The following E2F2 variants were observed in gnomAD, a reference collection of about 807,000 sequenced individuals.
E2F2 encodes E2F transcription factor 2.
Under a neutral mutation model 42.2 loss-of-function variants are expected in E2F2, and 22 were observed. The observed-to-expected ratio is 0.52, with a 90% CI of 0.37 to 0.74. The LOEUF is 0.74. Among genes scored for constraint, E2F2 ranks in the 30% least tolerant of loss-of-function variants. E2F2 has a pLI of 0.00. For missense variants in E2F2, 481 were observed against 557.8 expected, an observed-to-expected ratio of 0.86 and a Z score of 1.39; for synonymous variants, 248 against 251.6, an observed-to-expected ratio of 0.99 and a Z score of 0.13.
rs967178019 is a variant in E2F2, at chr1:23,530,392, T to C, written c.252+150A>G. 7 of 1,057,140 alleles carry C rather than the reference T, an allele frequency of 6.6e-6. No homozygotes were observed. The highest frequency in any genetic ancestry group is 5.2e-5 in the East Asian group (2 of 38,416). 65.5% of individuals were successfully genotyped at this position (1,057,140 alleles called of 1,614,324 possible). On this transcript the variant is annotated intron_variant, in intron 1 of 6. Coordinates refer to ENST00000361729, the MANE Select transcript of E2F2 (RefSeq NM_004091.4). The surrounding 1 kb of genome is among the most constrained non-coding windows in gnomAD (Gnocchi z 4.4). ...AATGAAGGGGTCTTCTACTCAGATA[T>C]TGGGGGCACTGGGTCCTGGAAACTG...
At chr1:23,513,459 C>G (rs563628969) in intron 6 of E2F2, among the ~76,000 whole-genome samples, 1 of 152,200 alleles carries the variant, frequency 6.6e-6, no homozygotes, top group South Asian at 2.1e-4. Flanking sequence ...AATGCAGAAC[C>G]AGGGCCAGGA....
At chr1:23,517,185 C>T (rs1643041774) in intron 5 of E2F2, among the ~76,000 whole-genome samples, 1 of 152,164 alleles carries the variant, frequency 6.6e-6, no homozygotes, top group African/African-American at 2.4e-5. Context: ...CCCATACCTC[C>T]CGCTGAAGCC....
chr1:23,530,863 C>G lies in E2F2; in HGVS notation c.-70G>C, dbSNP rs1189452437. ...GGACACCTGCGGGTTCCGGTGCTGC[C>G]GCCTTTCACACGGCCCGCGGCATGG... On this transcript the variant is annotated 5_prime_UTR_variant, in exon 1 of 7. Coordinates refer to ENST00000361729, the MANE Select transcript of E2F2 (RefSeq NM_004091.4). The surrounding 1 kb of genome is among the most constrained non-coding windows in gnomAD (Gnocchi z 4.4). 4 of 1,409,540 alleles carry G rather than the reference C, an allele frequency of 2.8e-6. No homozygotes were observed. Among genetic ancestry groups the G allele is most frequent in the South Asian group, 1.6e-5 (1 of 63,456 alleles). 87.3% of individuals were successfully genotyped at this position (1,409,540 alleles called of 1,614,324 possible). A position where few individuals can be genotyped will look rare whatever the true frequency, so the allele number is the denominator to read the frequency against.
At chr1:23,519,661 G>A (rs561540199) in intron 4 of E2F2, among the ~76,000 whole-genome samples, 2 of 152,298 alleles carry the variant, frequency 1.3e-5, no homozygotes, top group East Asian at 1.9e-4. Flanking sequence ...CGAACGCGGC[G>A]GCTCATGCCT....
chr1:23,524,355 C>A (rs200451472), intron 2 of E2F2, 28 bp downstream of exon 2: 5 of 1,524,758 alleles, frequency 3.3e-6, no homozygotes, highest in Non-Finnish European at 4.5e-6. Context: ...CCCCACCCCA[C>A]CCCAGAGGCC....
chr1:23,530,543 G>C lies in E2F2; in HGVS notation c.251C>G (p.Pro84Arg). The change falls in exon 1 of 7, where the codon CCG (proline) becomes CGG (arginine). Residue 84 changes from proline (P) to arginine (R), a missense_variant and splice_region_variant. Pro to Arg is a moderately radical substitution (Grantham distance 103). Transcript: ENST00000361729. The surrounding 1 kb of genome is among the most constrained non-coding windows in gnomAD (Gnocchi z 4.4). ...AGCGGTGGGGGCCCCCAGCATTACCGGCAGCCGGCCTGCCGGCAGGCATCG... is the reference window on the plus strand; with the variant it reads ...AGCGGTGGGGGCCCCCAGCATTACCCGCAGCCGGCCTGCCGGCAGGCATCG... The part of the protein sequence containing the change: ...VVRCLPAGRL[P>R]AKRKLDLEGI... 1 of 1,609,740 alleles carries C rather than the reference G, an allele frequency of 6.2e-7. No individual in the cohort carries two copies. The highest frequency in any genetic ancestry group is 8.5e-7 in the Non-Finnish European group (1 of 1,178,340).
intron 1 of E2F2, among the ~76,000 whole-genome samples, chr1:23,525,196 CCT>C (rs200312687): frequency 0.011 from 1,647 of 149,824 alleles, 23 homozygotes; most frequent in African/African-American, 0.037. Context: ...CCACCCCCCC[CCT>C]CCAGCTCCCC....
Position 23,510,081 on chromosome 1 carries a change from A to C in E2F2, c.1113T>G (p.Thr371=), listed in dbSNP as rs369246681. The C allele has an allele frequency of 6.7e-5, 107 of 1,607,988 alleles. 2 individuals are homozygous for C. The highest frequency in any genetic ancestry group is 3.1e-4 in the East Asian group (14 of 44,650). The change falls in exon 7 of 7, where the codon ACT becomes ACG. Residue 371 remains threonine, a synonymous_variant. Coordinates refer to ENST00000361729, the MANE Select transcript of E2F2 (RefSeq NM_004091.4). ...PPPSLVPLEA[T]DSLLELPHPL... ...GGTGCGGCAGCTCCAGCAGGCTGTC[A>C]GTAGCCTCCAAGGGGACCAGGGATG...
chr1:23,524,092 C>CA (rs1200088873), intron 2 of E2F2, among the ~76,000 whole-genome samples: 9 of 55,898 alleles, frequency 1.6e-4, no homozygotes, highest in East Asian at 1.2e-3. Flanking sequence ...ACAACAACAA[C>CA]AACAACAACA....
At chr1:23,518,497 A>T (rs79457556) in intron 5 of E2F2, among the ~76,000 whole-genome samples, 1 of 136,750 alleles carries the variant, frequency 7.3e-6, no homozygotes, top group Non-Finnish European at 1.6e-5. Flanking sequence ...ATAAATAAAT[A>T]AATCAAACAA....
At chr1:23,513,451 T>C (rs144460406) in intron 6 of E2F2, among the ~76,000 whole-genome samples, 147 of 152,232 alleles carry the variant, frequency 9.7e-4, no homozygotes, top group Middle Eastern at 3.4e-3. Context: ...CCCCTGGTAA[T>C]GCAGAACCAG....
chr1:23,516,298 T>TC, intron 6 of E2F2, 37 bp downstream of exon 6: 1 of 1,441,226 alleles, frequency 6.9e-7, no homozygotes, highest in Non-Finnish European at 9.1e-7. Flanking sequence ...GGCCGGTCTC[T>TC]CCCCCCACCT....
At chr1:23,517,100 G>A (rs1224427620) in intron 5 of E2F2, among the ~76,000 whole-genome samples, 1 of 152,144 alleles carries the variant, frequency 6.6e-6, no homozygotes, top group Non-Finnish European at 1.5e-5. Flanking sequence ...GTCATAGTTT[G>A]AGCATCTACA....
chr1:23,513,089 G>T (rs915832427), intron 6 of E2F2, among the ~76,000 whole-genome samples: 3 of 151,546 alleles, frequency 2.0e-5, no homozygotes, highest in South Asian at 2.1e-4. Context: ...CTGGATTACA[G>T]GTGTGTGCCA....
At chr1:23,510,171 T>C in intron 6 of E2F2, 23 bp from the exon 7 acceptor site, 1 of 1,560,160 alleles carries the variant, frequency 6.4e-7, no homozygotes, top group African/African-American at 1.4e-5. Flanking sequence ...AGACAAAGGT[T>C]ACGCCTGGCC....
At position 23,509,943 on chromosome 1, in the gene E2F2, C is replaced by T. The variant is rs759951612; in HGVS notation, c.1251G>A (p.Glu417=). ...AGAGATCGCTGATGCCCTCACCCGC[C>T]TCCAAGCCCCACAGGTAGTCGTCCT... The part of the protein sequence containing the change: ...LDQDDYLWGL[E]AGEGISDLFD... The change falls in exon 7 of 7, where the codon GAG becomes GAA. Residue 417 remains glutamate (E), a synonymous_variant. Transcript: ENST00000361729. 1 of 1,607,536 alleles carries T rather than the reference C, an allele frequency of 6.2e-7. No homozygotes were observed. The highest frequency in any genetic ancestry group is 1.7e-5 in the Admixed American group (1 of 59,346).
At chr1:23,505,247 G>A (rs1356697166), downstream of E2F2, among the ~76,000 whole-genome samples, 3 of 152,176 alleles carry the variant, frequency 2.0e-5, no homozygotes, top group Non-Finnish European at 4.4e-5. Flanking sequence ...ATGCAAAAGG[G>A]TTAGAACTTC....
intron 6 of E2F2, among the ~76,000 whole-genome samples, chr1:23,516,082 C>T (rs755849002): frequency 1.3e-5 from 2 of 152,150 alleles, no homozygotes; most frequent in Non-Finnish European, 2.9e-5. Context: ...GGTTAAGTAA[C>T]TTGTCTAAGG....
chr1:23,506,410 A>AGCACG (rs1642795947), downstream of E2F2: 1 of 152,438 alleles, frequency 6.6e-6, no homozygotes, highest in Non-Finnish European at 1.5e-5. Context: ...AGCTTCAGAA[A>AGCACG]GCACGACAAA....
Sources: gnomAD v4.1 joint callset for allele counts (sites outside exome capture counted in the v4.1 genomes callset) on GRCh38, gnomAD v4.1.1 for gene constraint, Gnocchi (gnomAD v3.1) non-coding constraint, MANE v1.5 for transcripts, NCBI Gene and HGNC (gene_info 2026-07-23, HGNC 2026-07-21) for gene names.